The following SVOPL variants were observed in gnomAD, a reference collection of about 807,000 sequenced individuals.
The protein encoded by SVOPL is SVOP like, also known as putative transporter SVOPL.
Under a neutral mutation model 61.0 loss-of-function variants are expected in SVOPL, and 60 were observed. That is an observed-to-expected ratio of 0.98 (90% confidence interval 0.80 to 1.22). SVOPL has a LOEUF of 1.22. Ranked by LOEUF, SVOPL falls within the 50% of genes most tolerant of loss-of-function variation. The pLI is 0.00. For synonymous variants in SVOPL, 279 were observed against 250.0 expected, an observed-to-expected ratio of 1.12 and a Z score of -1.09; for missense variants, 662 against 643.9, an observed-to-expected ratio of 1.03 and a Z score of -0.30.
intron 1 of SVOPL, among the ~76,000 whole-genome samples, chr7:138,684,631 G>A (rs1316389176): frequency 6.6e-6 from 1 of 152,140 alleles, no homozygotes; most frequent in Non-Finnish European, 1.5e-5. Context: ...GTGGGAATGT[G>A]GAGAAAAAGG....
At chr7:138,669,025 G>C (rs544711320) in intron 4 of SVOPL, among the ~76,000 whole-genome samples, 60 of 152,328 alleles carry the variant, frequency 3.9e-4, no homozygotes, top group Non-Finnish European at 7.2e-4. Context: ...CTGGCCTTTT[G>C]ACATGTGGAG....
At chr7:138,603,056 T>C (rs1186754705) in intron 14 of SVOPL, among the ~76,000 whole-genome samples, 1 of 152,142 alleles carries the variant, frequency 6.6e-6, no homozygotes, top group African/African-American at 2.4e-5. Flanking sequence ...TATATATACA[T>C]ACACATCCAC....
intron 3 of SVOPL, among the ~76,000 whole-genome samples, chr7:138,676,183 G>A (rs1802555259): frequency 6.6e-6 from 1 of 152,216 alleles, no homozygotes; most frequent in Non-Finnish European, 1.5e-5. Context: ...GAGAAAGCGG[G>A]AGTAGTGGTG....
At chr7:138,603,025 C>G (rs1264640571) in intron 14 of SVOPL, among the ~76,000 whole-genome samples, 1 of 152,026 alleles carries the variant, frequency 6.6e-6, no homozygotes, top group African/African-American at 2.4e-5. Flanking sequence ...ATACATATAA[C>G]ATGTATATAA....
chr7:138,661,377 G>A (rs536593846), intron 5 of SVOPL: 47 of 985,272 alleles, frequency 4.8e-5, no homozygotes, highest in South Asian at 2.4e-4. Context: ...TTTTAACTCC[G>A]TACATCCATC....
chr7:138,650,427 T>C lies in SVOPL; in HGVS notation c.535-1290A>G, dbSNP rs570039261. Among the ~76,000 whole-genome samples, 17 of 152,026 alleles carry C rather than the reference T, an allele frequency of 1.1e-4. No homozygotes were observed. In the South Asian group the frequency reaches 2.5e-3, roughly 22 times the overall value. On this transcript the variant is annotated intron_variant, in intron 7 of 15. Transcript: ENST00000674285. ...GAAGAAGAGATTAGTTCTGAATATC[T>C]TGTATTGAGGAGCCTGTAAGACATT...
chr7:138,665,529 G>A (rs1001343737), intron 4 of SVOPL, among the ~76,000 whole-genome samples: 4 of 152,076 alleles, frequency 2.6e-5, no homozygotes, highest in Non-Finnish European at 5.9e-5. Flanking sequence ...TTGTGTACCT[G>A]CTGGAAGGAG....
intron 1 of SVOPL, among the ~76,000 whole-genome samples, chr7:138,697,973 A>G (rs1803107239): frequency 6.6e-6 from 1 of 152,060 alleles, no homozygotes; most frequent in African/African-American, 2.4e-5. Flanking sequence ...ATGGAAAAGA[A>G]AGAAGGAAGA....
intron 14 of SVOPL, among the ~76,000 whole-genome samples, chr7:138,605,048 T>A (rs1475334208): frequency 6.6e-6 from 1 of 150,826 alleles, no homozygotes; most frequent in Non-Finnish European, 1.5e-5. Context: ...AGCCCTGAGC[T>A]CTAAAAAAGA....
intron 1 of SVOPL, among the ~76,000 whole-genome samples, chr7:138,689,902 G>C (rs903856415): frequency 6.6e-6 from 1 of 151,736 alleles, no homozygotes; most frequent in South Asian, 2.1e-4. Flanking sequence ...TGGAGTGGGA[G>C]TCTTACCCAT....
chr7:138,620,119 G>GTTTTTTTTTTTTT (rs375556204), intron 14 of SVOPL, among the ~76,000 whole-genome samples: 8 of 114,586 alleles, frequency 7.0e-5, no homozygotes, highest in Non-Finnish European at 1.3e-4. Context: ...TTTTTTTTCT[G>GTTTTTTTTTTTTT]TTTTGTTTTT....
At chr7:138,611,858 G>A (rs1294917308) in intron 14 of SVOPL, among the ~76,000 whole-genome samples, 19 of 76,438 alleles carry the variant, frequency 2.5e-4, no homozygotes, top group South Asian at 1.8e-3. Context: ...TGCCGAGATT[G>A]CAGCCTCTGC....
At chr7:138,676,504 C>G (rs906934274) in intron 3 of SVOPL, among the ~76,000 whole-genome samples, 4 of 149,654 alleles carry the variant, frequency 2.7e-5, no homozygotes, top group African/African-American at 7.7e-5. Context: ...CTGCATGAAG[C>G]CTCTTTTATA....
At position 138,622,926 on chromosome 7, in the gene SVOPL, T is replaced by C. The variant is rs114950359; in HGVS notation, c.1264-1791A>G. 5.4e-3 allele frequency among the ~76,000 whole-genome samples: 824 copies of C among 152,372 alleles called. 8 individuals carry two copies. Among genetic ancestry groups the C allele is most frequent in the African/African-American group, 0.019 (788 of 41,584 alleles). On this transcript the variant is annotated intron_variant, in intron 13 of 15. Coordinates refer to ENST00000674285, the MANE Select transcript of SVOPL (RefSeq NM_001139456.2). ...GAATACTTTCTAGGAAAGAATGGTT[T>C]CTCAAAATGTTGGAACATTTTCTTA...
intron 9 of SVOPL, among the ~76,000 whole-genome samples, chr7:138,639,730 G>C (rs1360094182): frequency 2.0e-5 from 3 of 152,068 alleles, no homozygotes; most frequent in Non-Finnish European, 4.4e-5. Context: ...GTCTCGCCCT[G>C]TTGTCCGGGC....
intron 5 of SVOPL, chr7:138,662,689 ACAC>A (rs1802051589): frequency 3.8e-5 from 39 of 1,037,074 alleles, no homozygotes; most frequent in Non-Finnish European, 4.2e-5. Context: ...TCTGTTCTCA[ACAC>A]CACCACAGTA....
At chr7:138,672,752 G>C (rs894123556) in intron 3 of SVOPL, among the ~76,000 whole-genome samples, 1 of 150,912 alleles carries the variant, frequency 6.6e-6, no homozygotes, top group Non-Finnish European at 1.5e-5. Context: ...TGACCTCCCA[G>C]AGTGCTGAGA....
chr7:138,623,837 T>A (rs1474822951), intron 13 of SVOPL, among the ~76,000 whole-genome samples: 1 of 152,220 alleles, frequency 6.6e-6, no homozygotes, highest in African/African-American at 2.4e-5. Flanking sequence ...TTTTTTTTCT[T>A]TTTGAGACGG....
intron 14 of SVOPL, chr7:138,597,350 A>G: frequency 1.6e-6 from 1 of 609,192 alleles, no homozygotes; most frequent in South Asian, 2.4e-5. Context: ...CTAAGTGACT[A>G]GTCTCAGTAA....
Sources: gnomAD v4.1 joint callset for allele counts (sites outside exome capture counted in the v4.1 genomes callset) on GRCh38, gnomAD v4.1.1 for gene constraint, MANE v1.5 for transcripts, NCBI Gene and HGNC (gene_info 2026-07-23, HGNC 2026-07-21) for gene names.